PBX1: variants seen among roughly 807,000 people sequenced by gnomAD.
PBX1 encodes pre-B-cell leukemia transcription factor 1.
PBX1 carries 6 observed loss-of-function variants against 53.4 expected under a neutral mutation model. That is an observed-to-expected ratio of 0.11 (90% CI 0.06 to 0.22). The LOEUF (loss-of-function observed/expected upper bound fraction) is 0.22, where lower values mean the gene tolerates loss of function less well. Among genes scored for constraint, PBX1 ranks in the 10% least tolerant of loss-of-function variants. The pLI is 1.00. For synonymous variants in PBX1, 204 were observed against 212.3 expected (o/e 0.96, Z 0.34); for missense variants, 251 against 551.4 (o/e 0.46, Z 5.46).
intron 2 of PBX1, chr1:164,642,280 C>G (rs773343605): frequency 2.0e-5 from 3 of 152,130 alleles, no homozygotes; most frequent in Non-Finnish European, 2.9e-5. Context: ...TGAGTCCCAG[C>G]AAGTAGAAGT....
chr1:164,590,307 G>T (rs1011919092), intron 2 of PBX1: 10 of 454,900 alleles, frequency 2.2e-5, no homozygotes, highest in African/African-American at 1.0e-4. Flanking sequence ...ACACTTTCTT[G>T]ATTGTCCCAG....
At chr1:164,872,689 T>C (rs1457463600) in intron 2 of PBX1, among the ~76,000 whole-genome samples, 1 of 152,204 alleles carries the variant, frequency 6.6e-6, no homozygotes, top group Admixed American at 6.5e-5. Flanking sequence ...ACCATTGGCC[T>C]ATAATGGGCA....
intron 2 of PBX1, among the ~76,000 whole-genome samples, chr1:164,712,841 G>A (rs1027882212): frequency 3.3e-5 from 5 of 152,162 alleles, no homozygotes; most frequent in Admixed American, 2.0e-4. Flanking sequence ...ATAGGTGTGC[G>A]GTTCTGAAAG....
intron 2 of PBX1, among the ~76,000 whole-genome samples, chr1:164,733,274 C>T (rs191227843): frequency 1.3e-5 from 2 of 152,208 alleles, no homozygotes; most frequent in African/African-American, 2.4e-5. Context: ...TTCTTGATGT[C>T]GGACCTTGTG....
chr1:164,625,225 A>C (rs1231626319), intron 2 of PBX1, among the ~76,000 whole-genome samples: 1 of 151,974 alleles, frequency 6.6e-6, no homozygotes, highest in Non-Finnish European at 1.5e-5. Context: ...TTTTAGAAAC[A>C]TATATTCAGT....
chr1:164,678,928 T>C (rs953006671), intron 2 of PBX1, among the ~76,000 whole-genome samples: 1 of 152,164 alleles, frequency 6.6e-6, no homozygotes, highest in Non-Finnish European at 1.5e-5. Context: ...GTTATTTTAA[T>C]TTAGATTTAT....
intron 2 of PBX1, among the ~76,000 whole-genome samples, chr1:164,571,830 C>T (rs1653875592): frequency 1.6e-5 from 2 of 121,866 alleles, no homozygotes; most frequent in African/African-American, 6.3e-5. Flanking sequence ...TTTTTAAAAA[C>T]AGCTTTATTG....
rs546195075 is a variant in PBX1 at position 164,812,096 on chromosome 1, A to G, written c.944A>G (p.Asn315Ser). 5.0e-6 allele frequency: 8 copies of G among 1,613,848 alleles called. No homozygotes were observed. Among genetic ancestry groups the G allele is most frequent in the East Asian group, 2.2e-5 (1 of 44,858 alleles). Residue 315 changes from asparagine (N) to serine (S), a missense_variant, in exon 6 of 9, where the codon AAT becomes AGT. This residue lies in a region of PBX1 where 20 missense variants were observed against 144.8 expected (regional missense o/e 0.14). Coordinates refer to ENST00000420696, the MANE Select transcript of PBX1 (RefSeq NM_002585.4). The stretch of plus-strand genomic sequence containing the variant: ...GCCAAAACAGCTGTCACTGCTACCA[A>G]TGTGTCAGCCCATGGAAGCCAAGCT... Reference protein sequence around the residue: ...YAAKTAVTATNVSAHGSQANS... With the variant: ...YAAKTAVTATSVSAHGSQANS...
At chr1:164,781,427 A>G (rs1667928855) in intron 2 of PBX1, among the ~76,000 whole-genome samples, 1 of 152,166 alleles carries the variant, frequency 6.6e-6, no homozygotes, top group South Asian at 2.1e-4. Context: ...GAAACATCCC[A>G]CTACAAGATA....
chr1:164,641,313 A>G (rs1208878015), intron 2 of PBX1: 1 of 152,786 alleles, frequency 6.5e-6, no homozygotes, highest in Non-Finnish European at 1.5e-5. Flanking sequence ...CTCTCTTGTC[A>G]TTAGGGGCCC....
chr1:164,835,699 G>C (rs866377414), intron 8 of PBX1, among the ~76,000 whole-genome samples: 19 of 152,148 alleles, frequency 1.2e-4, no homozygotes, highest in African/African-American at 4.6e-4. Flanking sequence ...CCAGCATTTA[G>C]TAAATAGAGG....
chr1:164,723,025 T>G (rs1351462325), intron 2 of PBX1, among the ~76,000 whole-genome samples: 1 of 152,106 alleles, frequency 6.6e-6, no homozygotes, highest in East Asian at 1.9e-4. Context: ...GGTTCAGAAA[T>G]CAGCATGGAA....
At chr1:164,860,413 G>T (rs764655648) in intron 2 of PBX1, among the ~76,000 whole-genome samples, 1 of 152,058 alleles carries the variant, frequency 6.6e-6, no homozygotes, top group Non-Finnish European at 1.5e-5. Context: ...TTCTGAGGGG[G>T]CTTTATTAAT....
At chr1:164,616,435 T>G (rs560625289) in intron 2 of PBX1, among the ~76,000 whole-genome samples, 21 of 152,370 alleles carry the variant, frequency 1.4e-4, no homozygotes, top group African/African-American at 4.8e-4. Flanking sequence ...AATAATAATG[T>G]CTTGCAATTA....
At chr1:164,587,317 T>C (rs1655018100) in intron 2 of PBX1, among the ~76,000 whole-genome samples, 1 of 152,182 alleles carries the variant, frequency 6.6e-6, no homozygotes, top group Non-Finnish European at 1.5e-5. Flanking sequence ...GAGGGGAGTG[T>C]TGTGGAGAGT....
At chr1:164,857,469 T>C (rs1369840211) in intron 2 of PBX1, among the ~76,000 whole-genome samples, 1 of 152,172 alleles carries the variant, frequency 6.6e-6, no homozygotes, top group Non-Finnish European at 1.5e-5. Flanking sequence ...TAGATTTCAT[T>C]AAATACATAT....
In PBX1 at chr1:164,578,162, T is replaced by C. The variant is rs575674360; in HGVS notation, c.265+14851T>C. ...CCATTTGGGTATAAGTATGCAAAGATTGTTTGTGTTGTCAAGATCCCACTG... is the reference window on the plus strand; with the variant it reads ...CCATTTGGGTATAAGTATGCAAAGACTGTTTGTGTTGTCAAGATCCCACTG... On this transcript the variant is annotated intron_variant, in intron 2 of 8. Transcript: ENST00000420696. Among the ~76,000 whole-genome samples the C allele has an allele frequency of 2.8e-4, 43 of 152,242 alleles. No individual in the cohort carries two copies. In the South Asian group the frequency reaches 3.1e-3, roughly 11 times the overall value.
chr1:164,743,063 G>A (rs1388607006), intron 2 of PBX1, among the ~76,000 whole-genome samples: 1 of 152,180 alleles, frequency 6.6e-6, no homozygotes, highest in Admixed American at 6.5e-5. Context: ...TTCCTACAGG[G>A]CCAGAAACAG....
At chr1:164,708,111 G>A (rs1184011540) in intron 2 of PBX1, among the ~76,000 whole-genome samples, 1 of 152,160 alleles carries the variant, frequency 6.6e-6, no homozygotes, top group Non-Finnish European at 1.5e-5. Flanking sequence ...AGGTGAGGCC[G>A]AGTGACCTCA....
Sources: allele counts gnomAD v4.1 joint callset (sites outside exome capture counted in the v4.1 genomes callset), GRCh38; gene constraint gnomAD v4.1.1; regional missense constraint gnomAD v4.1.1; transcripts MANE v1.5; gene names NCBI Gene and HGNC (gene_info 2026-07-23, HGNC 2026-07-21).